HPSE: variants seen among roughly 807,000 people sequenced by gnomAD.
HPSE encodes the protein heparanase, also known as endo-glucoronidase.
Under a neutral mutation model 65.1 loss-of-function variants are expected in HPSE, and 48 were observed. The observed-to-expected ratio is 0.74, with a 90% CI of 0.58 to 0.94. The LOEUF is 0.94. Among genes scored for constraint, HPSE ranks in the 40% least tolerant of loss-of-function variants. The probability of loss-of-function intolerance (pLI) is 0.00; values close to 1 mark genes in which losing one functional copy is unlikely to be tolerated. For missense variants in HPSE, 644 were observed against 637.5 expected (o/e 1.01, Z -0.11); for synonymous variants, 243 against 260.0 (o/e 0.93, Z 0.63).
chr4:83,314,720 C>A (rs1235792463), intron 3 of HPSE, among the ~76,000 whole-genome samples: 3 of 152,122 alleles, frequency 2.0e-5, no homozygotes, highest in Admixed American at 2.0e-4. Context: ...AAGAGTAATT[C>A]ATTCCTGAAC....
At chr4:83,314,671 G>A (rs1261579948) in intron 3 of HPSE, among the ~76,000 whole-genome samples, 1 of 152,064 alleles carries the variant, frequency 6.6e-6, no homozygotes, top group Non-Finnish European at 1.5e-5. Context: ...TGCATAATAA[G>A]TCCTTCCAAT....
chr4:83,334,826 G>A lies in HPSE; in HGVS notation c.-44C>T. Reference sequence around the variant, plus strand: ...CTCCCCCCGCCAGCTGCCGCGCAGCGGAGAGTCGAGAGCTCTAGCACTTCC... The same window carrying A: ...CTCCCCCCGCCAGCTGCCGCGCAGCAGAGAGTCGAGAGCTCTAGCACTTCC... On this transcript the variant is annotated 5_prime_UTR_variant, in exon 1 of 12. Transcript: ENST00000311412. 6.8e-7 allele frequency: 1 copy of A among 1,476,384 alleles called. No individual in the cohort carries two copies. 91.5% of individuals were successfully genotyped at this position (1,476,384 alleles called of 1,614,324 possible).
At chr4:83,319,619 G>T in intron 2 of HPSE, 150 bp from the exon 3 acceptor site, 1 of 757,824 alleles carries the variant, frequency 1.3e-6, no homozygotes, top group Non-Finnish European at 2.0e-6. Context: ...GGTATATTCT[G>T]TAACACATGT....
At position 83,300,793 on chromosome 4, in the gene HPSE, C is replaced by T. The variant is rs1315517193; in HGVS notation, c.1472+167G>A. Among the ~76,000 whole-genome samples the T allele has an allele frequency of 1.3e-4, 2 of 15,778 alleles. 1 individual carries two copies. Among genetic ancestry groups the T allele is most frequent in the Middle Eastern group, 0.14 (2 of 14 alleles). The allele number at this position is 15,778 out of a possible 152,430, so 10.4% of individuals were successfully genotyped here. A position where few individuals can be genotyped will look rare whatever the true frequency, so the allele number is the denominator to read the frequency against. Reference sequence around the variant, plus strand: ...TCCCGCCACTGCACTCCAGCCTGGGCGACAGAGCGAGACTCCGTCTCAAAA... The same window carrying T: ...TCCCGCCACTGCACTCCAGCCTGGGTGACAGAGCGAGACTCCGTCTCAAAA... On this transcript the variant is annotated intron_variant, in intron 11 of 11. Coordinates refer to ENST00000311412, the MANE Select transcript of HPSE (RefSeq NM_001098540.3).
At chr4:83,329,325 C>T (rs1412960977) in intron 1 of HPSE, among the ~76,000 whole-genome samples, 4 of 152,056 alleles carry the variant, frequency 2.6e-5, no homozygotes, top group Admixed American at 2.6e-4. Flanking sequence ...TTGGGCCACC[C>T]TGTAGATTCC....
rs375261094 is a variant in HPSE, at chr4:83,301,124, A to G, written c.1326-18T>C. ...ACCTTGGACTAAAAGCAAAGAGGTT[A>G]ACTTAATAGAAATATGTATCTAATT... On this transcript the variant is annotated intron_variant, in intron 10 of 11. Coordinates refer to ENST00000311412, the MANE Select transcript of HPSE (RefSeq NM_001098540.3). The G allele has an allele frequency of 8.6e-6, 13 of 1,504,128 alleles. No homozygotes were observed. In the African/African-American group the frequency reaches 1.7e-4, roughly 20 times the overall value. 93.2% of individuals were successfully genotyped at this position (1,504,128 alleles called of 1,614,324 possible).
intron 3 of HPSE, among the ~76,000 whole-genome samples, chr4:83,318,491 G>A (rs1044038143): frequency 9.2e-5 from 14 of 151,898 alleles, no homozygotes; most frequent in African/African-American, 3.4e-4. Context: ...AAAATTAGCC[G>A]GTCGTGATGG....
chr4:83,309,534 AT>A, intron 6 of HPSE, 39 bp from the exon 7 acceptor site: 1 of 1,132,942 alleles, frequency 8.8e-7, no homozygotes, highest in Admixed American at 1.9e-5. Flanking sequence ...AAAATAACAA[AT>A]TTTACTTTCT....
At chr4:83,319,588 G>A (rs1736798867) in intron 2 of HPSE, 119 bp from the exon 3 acceptor site, 2 of 986,810 alleles carry the variant, frequency 2.0e-6, no homozygotes, top group Non-Finnish European at 3.0e-6. Flanking sequence ...TTCTGGTTAT[G>A]AGGTAGGAGA....
intron 11 of HPSE, among the ~76,000 whole-genome samples, chr4:83,299,891 G>A (rs764714230): frequency 6.6e-6 from 1 of 151,990 alleles, no homozygotes; most frequent in Non-Finnish European, 1.5e-5. Flanking sequence ...ATTTTGTAGA[G>A]AGAGTTTTGC....
chr4:83,321,741 C>T (rs1416513338), intron 2 of HPSE, among the ~76,000 whole-genome samples: 1 of 152,220 alleles, frequency 6.6e-6, no homozygotes, highest in Non-Finnish European at 1.5e-5. Flanking sequence ...ATATCAGAAT[C>T]CCCTGACAAG....
Position 83,300,957 on chromosome 4 carries a change from T to C in HPSE, c.1472+3A>G. On this transcript the variant is annotated splice_donor_region_variant and intron_variant, in intron 11 of 11. Transcript: ENST00000311412. ...TTTGGAATGAACAAGGAAAATTACT[T>C]ACTTGGAAAGTAATCCATGAGGTCC... 1 of 1,577,314 alleles carries C rather than the reference T, an allele frequency of 6.3e-7. No individual in the cohort carries two copies. Among genetic ancestry groups the C allele is most frequent in the Non-Finnish European group, 8.6e-7 (1 of 1,161,800 alleles).
At chr4:83,319,253 T>C in intron 3 of HPSE, 91 bp downstream of exon 3, 1 of 1,289,334 alleles carries the variant, frequency 7.8e-7, no homozygotes, top group East Asian at 2.4e-5. Context: ...TTTATACAAC[T>C]TCCGTAGGAC....
rs940853016 is a variant in HPSE at position 83,334,567 on chromosome 4, G to A, written c.216C>T (p.Leu72=). ...DANLATDPRF[L]ILLGSPKLRT... ...AGGCTGGCGCTTACCCCAGGAGGATGAGGAACCGCGGGTCCGTGGCCAGGT... is the reference window on the plus strand; with the variant it reads ...AGGCTGGCGCTTACCCCAGGAGGATAAGGAACCGCGGGTCCGTGGCCAGGT... Residue 72 remains leucine (L), a synonymous_variant, in exon 1 of 12, where the codon CTC becomes CTT. Coordinates refer to ENST00000311412, the MANE Select transcript of HPSE (RefSeq NM_001098540.3). The A allele has an allele frequency of 9.5e-6, 15 of 1,583,650 alleles. No individual in the cohort carries two copies. In the African/African-American group the frequency reaches 2.0e-4, roughly 21 times the overall value.
At chr4:83,325,130 G>GGTGTGTGTGTGTGT (rs70949703) in intron 1 of HPSE, among the ~76,000 whole-genome samples, 1 of 134,172 alleles carries the variant, frequency 7.5e-6, no homozygotes, top group Non-Finnish European at 1.6e-5. Context: ...TATACAACTT[G>GGTGTGTGTGTGTGT]GTGTGTGTGT....
At chr4:83,332,220 C>T (rs1737401903) in intron 1 of HPSE, among the ~76,000 whole-genome samples, 1 of 152,258 alleles carries the variant, frequency 6.6e-6, no homozygotes, top group Non-Finnish European at 1.5e-5. Context: ...CTCTCCTCTA[C>T]TGTGGACCCC....
At position 83,313,188 on chromosome 4, in the gene HPSE, T is replaced by C; in HGVS notation, c.599A>G (p.Asn200Ser). The change falls in exon 4 of 12, where the codon AAC becomes AGC. Residue 200 changes from asparagine to serine, a missense_variant. Transcript: ENST00000311412. ...CAGGAGCAACTGAGCATTAGAACTGTTCCACTGCAAATCTGCTGTTCTTAA... is the reference window on the plus strand; with the variant it reads ...CAGGAGCAACTGAGCATTAGAACTGCTCCACTGCAAATCTGCTGTTCTTAA... ...ALLRTADLQW[N>S]SSNAQLLLDY... The C allele has an allele frequency of 6.2e-7, 1 of 1,613,926 alleles. No individual in the cohort carries two copies. Among genetic ancestry groups the C allele is most frequent in the South Asian group, 1.1e-5 (1 of 91,088 alleles).
At chr4:83,328,009 G>C (rs1046080028) in intron 1 of HPSE, among the ~76,000 whole-genome samples, 1 of 152,174 alleles carries the variant, frequency 6.6e-6, no homozygotes, top group Non-Finnish European at 1.5e-5. Flanking sequence ...ACTAGAGAGA[G>C]AGAGATGGAG....
At position 83,295,161 on chromosome 4, in the gene HPSE, A is replaced by T. The variant is rs540856329; in HGVS notation, c.*183T>A. On this transcript the variant is annotated 3_prime_UTR_variant, in exon 12 of 12. Coordinates refer to ENST00000311412, the MANE Select transcript of HPSE (RefSeq NM_001098540.3). ...GAACAAGGTATTATTAGCTATTATT[A>T]TTAGCAGTGTTCTACCTAGCGAGAT... 2.6e-6 allele frequency: 1 copy of T among 388,614 alleles called. No homozygotes were observed. Among genetic ancestry groups the T allele is most frequent in the Admixed American group, 4.3e-5 (1 of 23,156 alleles). The allele number at this position is 388,614 out of a possible 1,614,324, so 24.1% of individuals were successfully genotyped here. A position where few individuals can be genotyped will look rare whatever the true frequency, so the allele number is the denominator to read the frequency against.
Sources: allele counts gnomAD v4.1 joint callset (sites outside exome capture counted in the v4.1 genomes callset), GRCh38; gene constraint gnomAD v4.1.1; transcripts MANE v1.5; gene names NCBI Gene and HGNC (gene_info 2026-07-23, HGNC 2026-07-21).